MYH9: variants seen among roughly 807,000 people sequenced by gnomAD.
MYH9 encodes myosin heavy chain 9.
MYH9 carries 29 observed loss-of-function variants against 241.9 expected under a neutral mutation model. That is an observed-to-expected ratio of 0.12 (90% CI 0.09 to 0.16). MYH9 has a LOEUF of 0.16. Ranked by LOEUF, MYH9 falls within the 10% of genes least tolerant of loss-of-function variation. The pLI, the probability that MYH9 is intolerant of heterozygous loss-of-function variation, is 1.00. For missense variants in MYH9, 1,803 were observed against 2,595.5 expected, an observed-to-expected ratio of 0.69 and a Z score of 6.63; for synonymous variants, 1,047 against 1,062.6, an observed-to-expected ratio of 0.99 and a Z score of 0.29.
At position 36,288,578 on chromosome 22, in the gene MYH9, C is replaced by T. The variant is rs2016629699; in HGVS notation, c.4770+149G>A. The T allele has an allele frequency of 1.5e-6, 2 of 1,309,532 alleles. No individual in the cohort carries two copies. The highest frequency in any genetic ancestry group is 2.9e-5 in the African/African-American group (2 of 68,830). The allele number at this position is 1,309,532 out of a possible 1,614,324, so 81.1% of individuals were successfully genotyped here. A position where few individuals can be genotyped will look rare whatever the true frequency, so the allele number is the denominator to read the frequency against. On this transcript the variant is annotated intron_variant, in intron 33 of 40. Coordinates refer to ENST00000216181, the MANE Select transcript of MYH9 (RefSeq NM_002473.6). This position sits in a 1 kb window ranked among gnomAD's most constrained non-coding sequence, Gnocchi z 4.8. ...ACTCTAAGAAAGTGAGTCACTGAAC[C>T]CCGAGACAGGAGGCTAGAAAGAAGG...
At chr22:36,350,127 T>C (rs2017742613) in intron 1 of MYH9, among the ~76,000 whole-genome samples, 1 of 152,216 alleles carries the variant, frequency 6.6e-6, no homozygotes, top group African/African-American at 2.4e-5. Flanking sequence ...ACATGGAGAA[T>C]GCTAAGAGTG....
intron 1 of MYH9, among the ~76,000 whole-genome samples, chr22:36,361,926 C>T (rs994741538): frequency 6.6e-6 from 1 of 152,100 alleles, no homozygotes; most frequent in Non-Finnish European, 1.5e-5. Context: ...AAAAATTAGC[C>T]AGGCGTGATG....
At position 36,322,429 on chromosome 22, in the gene MYH9, G is replaced by T. The variant is rs748324041; in HGVS notation, c.705C>A (p.Phe235Leu). Residue 235 changes from phenylalanine to leucine, a missense_variant and splice_region_variant, in exon 6 of 41, where the codon TTC becomes TTA. Transcript: ENST00000216181. The part of the protein sequence containing the change: ...KTVKNDNSSR[F>L]GKFIRINFDV... The stretch of plus-strand genomic sequence containing the variant: ...GCCGGGGCGCCGCCGCGCTACTCAC[G>T]AAGCGGGAGGAGTTGTCATTCTTCA... 2.5e-6 allele frequency: 4 copies of T among 1,613,872 alleles called. No individual in the cohort carries two copies. Among genetic ancestry groups the T allele is most frequent in the Non-Finnish European group, 3.4e-6 (4 of 1,179,946 alleles).
chr22:36,308,269 G>T (rs1017679414), intron 15 of MYH9, among the ~76,000 whole-genome samples: 2 of 148,358 alleles, frequency 1.3e-5, no homozygotes, highest in African/African-American at 5.2e-5. Flanking sequence ...GCTGTTTTAA[G>T]ATTTTTTTTT....
intron 20 of MYH9, chr22:36,302,254 T>C (rs576309925): frequency 1.2e-5 from 4 of 337,812 alleles, no homozygotes; most frequent in African/African-American, 8.4e-5. Flanking sequence ...TTATGTATTA[T>C]ACACAAAAGC....
In MYH9 at chr22:36,314,162, C is replaced by T. The variant is rs375899392; in HGVS notation, c.1537G>A (p.Asp513Asn). The change falls in exon 13 of 41, where the codon GAC becomes AAC. Residue 513 changes from aspartate (D) to asparagine (N), a missense_variant. This residue lies in a region of MYH9 where 163 missense variants were observed against 349.7 expected (regional missense o/e 0.47). Transcript: ENST00000216181. ...GTACTCACTGGCTTCTCAATGAGGT[C>T]GATGCAGGGCTGCAGGTCGAGGCCA... ...DFGLDLQPCI[D>N]LIEKPAGPPG... 3.7e-6 allele frequency: 6 copies of T among 1,614,050 alleles called. No individual in the cohort carries two copies. The African/African-American group carries it at 4.0e-5, about 11-fold the overall frequency.
At chr22:36,290,843 C>T (rs2016681603) in intron 31 of MYH9, among the ~76,000 whole-genome samples, 1 of 151,924 alleles carries the variant, frequency 6.6e-6, no homozygotes, top group South Asian at 2.1e-4. Context: ...GTGGCGACCC[C>T]GTCTGGGAGG....
intron 3 of MYH9, among the ~76,000 whole-genome samples, chr22:36,327,868 G>A (rs1375339935): frequency 6.6e-6 from 1 of 152,218 alleles, no homozygotes; most frequent in Non-Finnish European, 1.5e-5. Flanking sequence ...GAAGCTGTTA[G>A]AAAGAAGCCT....
chr22:36,366,933 C>T (rs545649651), intron 1 of MYH9, among the ~76,000 whole-genome samples: 24 of 152,052 alleles, frequency 1.6e-4, no homozygotes, highest in East Asian at 1.9e-4. Context: ...GCGACACTCA[C>T]GTGTGCACAC....
intron 5 of MYH9, among the ~76,000 whole-genome samples, chr22:36,323,127 A>G (rs549545247): frequency 1.2e-4 from 19 of 152,190 alleles, no homozygotes; most frequent in Non-Finnish European, 2.2e-4. Context: ...TGAGAATGTC[A>G]ATAAATCCTA....
rs149113660 is a variant in MYH9, at chr22:36,294,173, C to A, written c.3756G>T (p.Ala1252=). ...DSEHKRKKVE[A]QLQELQVKFN... is the part of the protein sequence containing the mutation. Reference sequence around the variant, plus strand: ...ACTTGACCTGCAGCTCCTGCAGCTGCGCCTCCACTTTCTTGCGCTTGTGCT... The same window carrying A: ...ACTTGACCTGCAGCTCCTGCAGCTGAGCCTCCACTTTCTTGCGCTTGTGCT... The change falls in exon 28 of 41, where the codon GCG becomes GCT. Residue 1252 remains alanine, a synonymous_variant. Coordinates refer to ENST00000216181, the MANE Select transcript of MYH9 (RefSeq NM_002473.6). 7.4e-6 allele frequency: 12 copies of A among 1,613,606 alleles called. No individual in the cohort carries two copies. In the African/African-American group the frequency reaches 1.6e-4, roughly 22 times the overall value.
At chr22:36,317,286 A>G (rs985847956) in intron 11 of MYH9, among the ~76,000 whole-genome samples, 1 of 152,174 alleles carries the variant, frequency 6.6e-6, no homozygotes, top group African/African-American at 2.4e-5. Flanking sequence ...TAAAAGCCAG[A>G]AGGAGAACTA....
chr22:36,343,909 G>A (rs555706932), intron 2 of MYH9, among the ~76,000 whole-genome samples: 1 of 152,192 alleles, frequency 6.6e-6, no homozygotes, highest in Non-Finnish European at 1.5e-5. Context: ...CCACACTCTA[G>A]GAAATCCAGC....
intron 21 of MYH9, 91 bp downstream of exon 21, chr22:36,301,443 A>C: frequency 1.9e-6 from 3 of 1,561,788 alleles, no homozygotes; most frequent in Non-Finnish European, 1.7e-6. Context: ...ATAGTAATAG[A>C]AACTTCCAGC....
chr22:36,303,558 G>A (rs1001506817), intron 19 of MYH9, among the ~76,000 whole-genome samples: 5 of 151,828 alleles, frequency 3.3e-5, no homozygotes, highest in Non-Finnish European at 7.4e-5. Flanking sequence ...TGAGGTGGGC[G>A]GATCACTTGA....
intron 2 of MYH9, among the ~76,000 whole-genome samples, chr22:36,346,220 C>G (rs1231864852): frequency 6.6e-6 from 1 of 151,674 alleles, no homozygotes; most frequent in Non-Finnish European, 1.5e-5. Context: ...GTTGATAGGT[C>G]TTTGATGAGC....
At chr22:36,327,597 C>A in intron 3 of MYH9, 109 bp from the exon 4 acceptor site, 2 of 1,312,272 alleles carry the variant, frequency 1.5e-6, no homozygotes, top group Admixed American at 1.8e-5. Flanking sequence ...GTCACAGATG[C>A]TGTCTTTGTG....
At chr22:36,297,884 A>G (rs2016813249) in intron 24 of MYH9, among the ~76,000 whole-genome samples, 1 of 152,178 alleles carries the variant, frequency 6.6e-6, no homozygotes, top group Admixed American at 6.5e-5. Context: ...AACGCCGTCT[A>G]CCAGTTTGCA....
intron 1 of MYH9, among the ~76,000 whole-genome samples, chr22:36,387,138 C>A (rs975005269): frequency 2.5e-4 from 38 of 152,238 alleles, no homozygotes; most frequent in African/African-American, 9.2e-4. Flanking sequence ...CCCGCCGGGT[C>A]CCCCTTGTCC....
Sources: allele counts gnomAD v4.1 joint callset (sites outside exome capture counted in the v4.1 genomes callset), GRCh38; gene constraint gnomAD v4.1.1; regional missense constraint gnomAD v4.1.1; non-coding constraint Gnocchi (gnomAD v3.1); transcripts MANE v1.5; gene names NCBI Gene and HGNC (gene_info 2026-07-23, HGNC 2026-07-21).